METAP1D: variants seen among roughly 807,000 people sequenced by gnomAD.
METAP1D encodes methionine aminopeptidase 1D, mitochondrial.
Under a neutral mutation model 40.5 loss-of-function variants are expected in METAP1D, and 31 were observed. That is an observed-to-expected ratio of 0.77 (90% CI 0.58 to 1.03). METAP1D has a LOEUF of 1.03. Ranked by LOEUF, METAP1D falls within the 50% of genes least tolerant of loss-of-function variation. The probability of loss-of-function intolerance (pLI) is 0.00; values close to 1 mark genes in which losing one functional copy is unlikely to be tolerated. For missense variants in METAP1D, 411 were observed against 420.7 expected (o/e 0.98, Z 0.20); for synonymous variants, 151 against 146.4 (o/e 1.03, Z -0.22).
At position 172,081,799 on chromosome 2, in the gene METAP1D, T is replaced by G. The variant is rs1047889; in HGVS notation, c.*1393T>G. On this transcript the variant is annotated 3_prime_UTR_variant, in exon 10 of 10. Coordinates refer to ENST00000315796, the MANE Select transcript of METAP1D (RefSeq NM_199227.3). ...TCGGAAGCGGCAAGGAAATGGCACC[T>G]GTAGTTGCCAGGACAGGTGGTGTCC... The G allele has an allele frequency of 6.6e-6, 1 of 152,016 alleles. No individual in the cohort carries two copies. The highest frequency in any genetic ancestry group is 1.5e-5 in the Non-Finnish European group (1 of 68,014). 9.4% of individuals were successfully genotyped at this position (152,016 alleles called of 1,614,324 possible).
At chr2:172,020,073 A>G (rs1179953734) in intron 1 of METAP1D, among the ~76,000 whole-genome samples, 2 of 151,950 alleles carry the variant, frequency 1.3e-5, no homozygotes, top group Non-Finnish European at 2.9e-5. Context: ...GCTTGTCGCA[A>G]CCTCCCGGGT....
chr2:172,038,437 C>A (rs750453343), intron 1 of METAP1D, among the ~76,000 whole-genome samples: 2 of 152,130 alleles, frequency 1.3e-5, no homozygotes, highest in Non-Finnish European at 2.9e-5. Context: ...GTAAACTGAA[C>A]AATACCATCA....
chr2:172,025,646 T>C (rs762492750), intron 1 of METAP1D, among the ~76,000 whole-genome samples: 4 of 152,118 alleles, frequency 2.6e-5, no homozygotes, highest in Non-Finnish European at 5.9e-5. Flanking sequence ...AAATTTTAAA[T>C]ATGCATTAGA....
intron 1 of METAP1D, among the ~76,000 whole-genome samples, chr2:172,020,393 T>C (rs1253719407): frequency 6.6e-6 from 1 of 152,258 alleles, no homozygotes. Context: ...AGCTTTCGGG[T>C]AGTTGATTAA....
Position 172,061,549 on chromosome 2 carries a change from A to G in METAP1D, c.92A>G (p.Gln31Arg). The part of the protein sequence containing the change: ...SPLNHIYLHK[Q>R]SSSQQRRNFF... ...CTCAATCATATCTACTTACACAAGC[A>G]GTCAAGCAGTCAACAAAGAAGAAAT... Residue 31 changes from glutamine to arginine, a missense_variant, in exon 2 of 10, where the codon CAG becomes CGG. Physicochemically the swap from Gln to Arg is conservative, Grantham distance 43 (BLOSUM62 1). Transcript: ENST00000315796. 6.2e-7 allele frequency: 1 copy of G among 1,613,890 alleles called. No homozygotes were observed. The highest frequency in any genetic ancestry group is 1.3e-5 in the African/African-American group (1 of 75,048).
chr2:172,027,182 A>AAAACC (rs1198153966), intron 1 of METAP1D, among the ~76,000 whole-genome samples: 1 of 152,194 alleles, frequency 6.6e-6, no homozygotes, highest in African/African-American at 2.4e-5. Context: ...CCTAACACAC[A>AAAACC]AAACCATATG....
intron 1 of METAP1D, among the ~76,000 whole-genome samples, chr2:172,045,846 TATATATATATATATATATGACGGA>T (rs1257826010): frequency 9.2e-5 from 10 of 109,086 alleles, no homozygotes; most frequent in African/African-American, 3.7e-4. Context: ...TATATATATA[TATATATATATATATATATGACGGA>T]ATTCTTTAGT....
chr2:172,080,691 G>C lies in METAP1D; in HGVS notation c.*285G>C. The C allele has an allele frequency of 1.8e-6, 1 of 558,012 alleles. No individual in the cohort carries two copies. Among genetic ancestry groups the C allele is most frequent in the Non-Finnish European group, 3.2e-6 (1 of 312,416 alleles). 34.6% of individuals were successfully genotyped at this position (558,012 alleles called of 1,614,324 possible). A position where few individuals can be genotyped will look rare whatever the true frequency, so the allele number is the denominator to read the frequency against. ...GGGACTGGAGGAAACCCCCTTGTTG[G>C]AAGAGATTCCAAGAGAAGCACGGTT... On this transcript the variant is annotated 3_prime_UTR_variant, in exon 10 of 10. Transcript: ENST00000315796.
chr2:172,034,087 AAAAAAAC>A (rs1689312892), intron 1 of METAP1D, among the ~76,000 whole-genome samples: 2 of 150,692 alleles, frequency 1.3e-5, no homozygotes, highest in South Asian at 2.1e-4. Context: ...AAAAAAAAAA[AAAAAAAC>A]AAAAGTCCTC....
Position 172,080,770 on chromosome 2 carries a change from A to C in METAP1D, c.*364A>C. On this transcript the variant is annotated 3_prime_UTR_variant, in exon 10 of 10. Coordinates refer to ENST00000315796, the MANE Select transcript of METAP1D (RefSeq NM_199227.3). ...GTAAAAAACCTCTTAAATCCATTGT[A>C]TCAGAGGTCCTTACCTCTCTGACAG... The C allele has an allele frequency of 2.7e-6, 1 of 372,624 alleles. No individual in the cohort carries two copies. Among genetic ancestry groups the C allele is most frequent in the South Asian group, 2.8e-5 (1 of 35,724 alleles). The allele number at this position is 372,624 out of a possible 1,614,324, so 23.1% of individuals were successfully genotyped here.
At chr2:172,017,243 C>CAA (rs1189172487) in intron 1 of METAP1D, among the ~76,000 whole-genome samples, 1 of 140,838 alleles carries the variant, frequency 7.1e-6, no homozygotes, top group Admixed American at 7.1e-5. Flanking sequence ...TTTACACACA[C>CAA]ACACACACAC....
At chr2:172,036,383 C>T (rs1222429515) in intron 1 of METAP1D, among the ~76,000 whole-genome samples, 1 of 150,718 alleles carries the variant, frequency 6.6e-6, no homozygotes, top group Non-Finnish European at 1.5e-5. Flanking sequence ...GTTGTTTCCA[C>T]CTTTTTCTTT....
intron 6 of METAP1D, among the ~76,000 whole-genome samples, chr2:172,077,464 C>T (rs760488613): frequency 1.3e-5 from 2 of 152,122 alleles, no homozygotes; most frequent in Non-Finnish European, 2.9e-5. Context: ...ACATATATCC[C>T]GGTTATGTAT....
intron 1 of METAP1D, among the ~76,000 whole-genome samples, chr2:172,027,634 T>C (rs1181427495): frequency 6.6e-6 from 1 of 152,254 alleles, no homozygotes; most frequent in African/African-American, 2.4e-5. Flanking sequence ...GTATTTATGA[T>C]TTTGTACGTG....
rs754435939 is a variant in METAP1D at position 172,070,860 on chromosome 2, T to C, written c.541-47T>C. 3.8e-5 allele frequency: 57 copies of C among 1,499,578 alleles called. 1 individual carries two copies. In the South Asian group the frequency reaches 6.8e-4, roughly 18 times the overall value. 92.9% of individuals were successfully genotyped at this position (1,499,578 alleles called of 1,614,324 possible). ...GAATACAATGTATACTTTAGGAAAG[T>C]AGATTTTTAAACAAGGACATATTTT... On this transcript the variant is annotated intron_variant, in intron 5 of 9. Transcript: ENST00000315796.
At chr2:172,071,589 T>G (rs1417637915) in intron 6 of METAP1D, among the ~76,000 whole-genome samples, 1 of 152,218 alleles carries the variant, frequency 6.6e-6, no homozygotes, top group African/African-American at 2.4e-5. Context: ...TTTGTCTGGT[T>G]CATTTTTCCT....
At chr2:172,002,404 A>T (rs1413065986) in intron 1 of METAP1D, among the ~76,000 whole-genome samples, 2 of 152,210 alleles carry the variant, frequency 1.3e-5, no homozygotes, top group Non-Finnish European at 2.9e-5. Context: ...TTTGCAGATA[A>T]CAGAAATAGC....
Position 172,082,362 on chromosome 2 carries a change from A to G in METAP1D, c.*1956A>G, listed in dbSNP as rs1257522579. Reference sequence around the variant, plus strand: ...TGAGGTAACACGCTGCTTGTGCAGCAATTATTTTGAGGTGGAGGTATTTAT... The same window carrying G: ...TGAGGTAACACGCTGCTTGTGCAGCGATTATTTTGAGGTGGAGGTATTTAT... On this transcript the variant is annotated 3_prime_UTR_variant, in exon 10 of 10. Coordinates refer to ENST00000315796, the MANE Select transcript of METAP1D (RefSeq NM_199227.3). 1 of 152,254 alleles carries G rather than the reference A, an allele frequency of 6.6e-6. No individual in the cohort carries two copies. Among genetic ancestry groups the G allele is most frequent in the Admixed American group, 6.5e-5 (1 of 15,290 alleles). 9.4% of individuals were successfully genotyped at this position (152,254 alleles called of 1,614,324 possible).
chr2:172,014,128 T>C (rs1197661083), intron 1 of METAP1D, among the ~76,000 whole-genome samples: 2 of 151,254 alleles, frequency 1.3e-5, no homozygotes, highest in African/African-American at 2.4e-5. Context: ...TGGACTACTT[T>C]TTTTTTTGAG....
Sources: allele counts gnomAD v4.1 joint callset (sites outside exome capture counted in the v4.1 genomes callset), GRCh38; gene constraint gnomAD v4.1.1; transcripts MANE v1.5; gene names NCBI Gene and HGNC (gene_info 2026-07-23, HGNC 2026-07-21).